PCDHGB4: variants seen among roughly 807,000 people sequenced by gnomAD.
The protein encoded by PCDHGB4 is protocadherin gamma subfamily B, 4.
A neutral mutation model predicts 60.5 loss-of-function variants in PCDHGB4; 38 were observed. That is an observed-to-expected ratio of 0.63 (90% CI 0.48 to 0.82). The LOEUF is 0.82. PCDHGB4 is among the 40% of genes least tolerant of loss of function. The pLI is 0.00. For missense variants in PCDHGB4, 1,109 were observed against 1,209.6 expected (o/e 0.92, Z 1.23); for synonymous variants, 456 against 509.7 (o/e 0.89, Z 1.42).
At chr5:141,438,763 G>C (rs537316602) in intron 1 of PCDHGB4, among the ~76,000 whole-genome samples, 1 of 149,962 alleles carries the variant, frequency 6.7e-6, no homozygotes, top group South Asian at 2.1e-4. Context: ...CTGGGTTCAA[G>C]CGATTCTCCT....
At chr5:141,463,438 CTTTTTTTTTTTTTT>C (rs71576115) in intron 1 of PCDHGB4, among the ~76,000 whole-genome samples, 7 of 103,256 alleles carry the variant, frequency 6.8e-5, no homozygotes, top group Non-Finnish European at 9.4e-5. Flanking sequence ...TTTCCTTCTC[CTTTTTTTTTTTTTT>C]TTTTTTTTTT....
intron 1 of PCDHGB4, chr5:141,433,267 C>T (rs1462399366): frequency 7.7e-7 from 1 of 1,305,096 alleles, no homozygotes; most frequent in Non-Finnish European, 1.1e-6. Context: ...GATCATAGCT[C>T]ACTGCAGCCT....
At chr5:141,413,841 T>C (rs1481867404) in intron 1 of PCDHGB4, 1 of 1,613,060 alleles carries the variant, frequency 6.2e-7, no homozygotes, top group Admixed American at 1.7e-5. Context: ...CCGACGGGGG[T>C]GACCCTCTCC....
At chr5:141,408,156 T>G (rs1270401832) in intron 1 of PCDHGB4, 2 of 1,512,436 alleles carry the variant, frequency 1.3e-6, no homozygotes, top group East Asian at 2.5e-5. Flanking sequence ...TAGAGTGCAC[T>G]TTCTCCAACT....
In PCDHGB4 at chr5:141,432,250, A is replaced by G. The variant is rs777728825; in HGVS notation, c.2397+41969A>G. 2 of 1,614,234 alleles carry G rather than the reference A, an allele frequency of 1.2e-6. No homozygotes were observed. Among genetic ancestry groups the G allele is most frequent in the Admixed American group, 1.7e-5 (1 of 60,026 alleles). ...ATTCCCTGGCTGAGAACACCATCCA[A>G]GGGGCAAGCCTATCGTCCTACGTGT... On this transcript the variant is annotated intron_variant, in intron 1 of 3. Transcript: ENST00000519479. The surrounding 1 kb of genome is among the most constrained non-coding windows in gnomAD (Gnocchi z 6.0).
chr5:141,486,017 A>C lies in PCDHGB4; in HGVS notation c.2398-8790A>C, dbSNP rs746747518. 1 of 1,614,176 alleles carries C rather than the reference A, an allele frequency of 6.2e-7. No homozygotes were observed. The highest frequency in any genetic ancestry group is 8.5e-7 in the Non-Finnish European group (1 of 1,180,038). ...CAGTGGTAACGTCACCTTTTATTTC[A>C]GTGGTCATACCCCTGATCGTGTAAG... On this transcript the variant is annotated intron_variant, in intron 1 of 3. Coordinates refer to ENST00000519479, the MANE Select transcript of PCDHGB4 (RefSeq NM_003736.4). This position sits in a 1 kb window ranked among gnomAD's most constrained non-coding sequence, Gnocchi z 5.0.
intron 1 of PCDHGB4, chr5:141,468,330 C>CAAAAAAAAAAAAAAAAGAAAAAAAAAAA (rs2099163578): frequency 1.3e-5 from 1 of 79,888 alleles, no homozygotes; most frequent in African/African-American, 3.9e-5. Flanking sequence ...AACTCCATCT[C>CAAAAAAAAAAAAAAAAGAAAAAAAAAAA]AAAAAAAAAA....
Position 141,476,374 on chromosome 5 carries a change from G to A in PCDHGB4, c.2398-18433G>A. 1.2e-6 allele frequency: 2 copies of A among 1,614,178 alleles called. No individual in the cohort carries two copies. Among genetic ancestry groups the A allele is most frequent in the Non-Finnish European group, 1.7e-6 (2 of 1,180,044 alleles). On this transcript the variant is annotated intron_variant, in intron 1 of 3. Transcript: ENST00000519479. This position sits in a 1 kb window ranked among gnomAD's most constrained non-coding sequence, Gnocchi z 7.6. ...AGGTGAACCGGGAGACCGGAGAGATGTTTGTGAACGACCGTCTGGATCGAG... is the reference window on the plus strand; with the variant it reads ...AGGTGAACCGGGAGACCGGAGAGATATTTGTGAACGACCGTCTGGATCGAG...
At chr5:141,478,460 C>G (rs759992881) in intron 1 of PCDHGB4, 1 of 1,613,344 alleles carries the variant, frequency 6.2e-7, no homozygotes, top group East Asian at 2.2e-5. Flanking sequence ...AGCCAGTCCA[C>G]TGGCCAGCCG....
intron 1 of PCDHGB4, among the ~76,000 whole-genome samples, chr5:141,429,759 C>T (rs1233949322): frequency 6.6e-6 from 1 of 151,946 alleles, no homozygotes; most frequent in East Asian, 1.9e-4. Flanking sequence ...GAATTTTTTC[C>T]CTATATTTTG....
chr5:141,398,812 C>A, intron 1 of PCDHGB4: 1 of 1,613,942 alleles, frequency 6.2e-7, no homozygotes, highest in South Asian at 1.1e-5. Context: ...CACTGAGCTC[C>A]GGATCCAGGT....
At chr5:141,393,056 C>G in intron 1 of PCDHGB4, 2 of 1,613,606 alleles carry the variant, frequency 1.2e-6, no homozygotes, top group South Asian at 1.1e-5. Context: ...ACCCGCGCAG[C>G]GGCAGCTTGA....
At chr5:141,418,778 T>A (rs1256260275) in intron 1 of PCDHGB4, 1 of 1,613,626 alleles carries the variant, frequency 6.2e-7, no homozygotes, top group East Asian at 2.2e-5. Flanking sequence ...TCAGCAGCCT[T>A]TGGATTTTGA....
Position 141,399,778 on chromosome 5 carries a change from C to G in PCDHGB4, c.2397+9497C>G, listed in dbSNP as rs187080333. ...GAGCCTGCGCGTGTTGGTGGGCGACCGAAACGACAACGCACCGCGGGTGCT... is the reference window on the plus strand; with the variant it reads ...GAGCCTGCGCGTGTTGGTGGGCGACGGAAACGACAACGCACCGCGGGTGCT... On this transcript the variant is annotated intron_variant, in intron 1 of 3. Coordinates refer to ENST00000519479, the MANE Select transcript of PCDHGB4 (RefSeq NM_003736.4). The G allele has an allele frequency of 3.4e-4, 542 of 1,613,250 alleles. 2 individuals are homozygous for G. The African/African-American group carries it at 5.6e-3, about 17-fold the overall frequency.
rs1407038729 is a variant in PCDHGB4 at position 141,388,729 on chromosome 5, G to A, written c.845G>A (p.Ser282Asn). ...AATGCCGAGATTACTTTCTCTTTCA[G>A]TGAAGCTAGCCAGATCACCCAATTT... ...GVNAEITFSF[S>N]EASQITQFDL... Residue 282 changes from serine (S) to asparagine (N), a missense_variant, in exon 1 of 4, where the codon AGT becomes AAT. Ser to Asn is a conservative substitution (Grantham distance 46). Transcript: ENST00000519479. The A allele has an allele frequency of 6.2e-7, 1 of 1,614,012 alleles. No individual in the cohort carries two copies. Among genetic ancestry groups the A allele is most frequent in the Non-Finnish European group, 8.5e-7 (1 of 1,179,892 alleles).
At chr5:141,423,409 G>T (rs1168604361) in intron 1 of PCDHGB4, 1 of 1,614,148 alleles carries the variant, frequency 6.2e-7, no homozygotes, top group South Asian at 1.1e-5. Flanking sequence ...CCTGCTGCAG[G>T]CTTCTGAAGG....
At chr5:141,437,445 T>C (rs187869679) in intron 1 of PCDHGB4, among the ~76,000 whole-genome samples, 1 of 152,348 alleles carries the variant, frequency 6.6e-6, no homozygotes, top group East Asian at 1.9e-4. Flanking sequence ...CATAGGAATG[T>C]TGAGGAGACT....
chr5:141,389,305 C>T lies in PCDHGB4; in HGVS notation c.1421C>T (p.Ala474Val). ...PPGASISQVR[A>V]SDPDLGPNGQ... is the part of the protein sequence containing the mutation. ...GGAGCCTCTATTTCACAAGTCAGGG[C>T]TTCTGATCCGGACTTGGGGCCCAAC... The change falls in exon 1 of 4, where the codon GCT becomes GTT. Residue 474 changes from alanine (A) to valine (V), a missense_variant. Coordinates refer to ENST00000519479, the MANE Select transcript of PCDHGB4 (RefSeq NM_003736.4). The T allele has an allele frequency of 6.2e-7, 1 of 1,614,004 alleles. No individual in the cohort carries two copies. Among genetic ancestry groups the T allele is most frequent in the Non-Finnish European group, 8.5e-7 (1 of 1,179,904 alleles).
chr5:141,489,126 T>G lies in PCDHGB4; in HGVS notation c.2398-5681T>G. 31 of 585,108 alleles carry G rather than the reference T, an allele frequency of 5.3e-5. No homozygotes were observed. Among genetic ancestry groups the G allele is most frequent in the South Asian group, 1.3e-4 (4 of 31,402 alleles). 36.2% of individuals were successfully genotyped at this position (585,108 alleles called of 1,614,324 possible). On this transcript the variant is annotated intron_variant, in intron 1 of 3. Transcript: ENST00000519479. The surrounding 1 kb of genome is among the most constrained non-coding windows in gnomAD (Gnocchi z 4.5). ...TGCAAGCAGGCAAACCTCCGAGCAG[T>G]TTTTAAGAGGCTGGAAGGAGACATA...
Sources: allele counts gnomAD v4.1 joint callset (sites outside exome capture counted in the v4.1 genomes callset), GRCh38; gene constraint gnomAD v4.1.1; non-coding constraint Gnocchi (gnomAD v3.1); transcripts MANE v1.5; gene names NCBI Gene and HGNC (gene_info 2026-07-23, HGNC 2026-07-21).